NOTCH2NLA: variants seen among roughly 807,000 people sequenced by gnomAD.
NOTCH2NLA encodes the protein notch homolog 2 N-terminal-like protein A.
At chr1:146,200,664 G>C (rs201661013) in intron 1 of NOTCH2NLA, among the ~76,000 whole-genome samples, 6 of 125,716 alleles carry the variant, frequency 4.8e-5, no homozygotes, top group African/African-American at 1.2e-4. Context: ...CTCCATCAGC[G>C]TTTTGATTAC....
At chr1:146,176,652 C>T (rs1662273221) in intron 2 of NOTCH2NLA, among the ~76,000 whole-genome samples, 1 of 135,322 alleles carries the variant, frequency 7.4e-6, no homozygotes, top group Admixed American at 7.8e-5. Flanking sequence ...TAGTACACTA[C>T]TTCTCACTTC....
chr1:146,229,008 A>T (rs1553820660), exon 1 of NOTCH2NLA: 1 of 1,361,828 alleles, frequency 7.3e-7, no homozygotes, highest in African/African-American at 1.6e-5. Context: ...TTTGGCTGAA[A>T]CTTTCTCGGG....
chr1:146,187,450 C>T lies in NOTCH2NLA; in HGVS notation c.38+1850G>A, dbSNP rs1662838039. Among the ~76,000 whole-genome samples the T allele has an allele frequency of 1.5e-5, 2 of 135,122 alleles. 1 individual carries two copies. Among genetic ancestry groups the T allele is most frequent in the Middle Eastern group, 6.5e-3 (2 of 306 alleles). 88.6% of individuals were successfully genotyped at this position (135,122 alleles called of 152,430 possible). ...CTGGTTCTAGATCCTTGAGGAATCGCCACACTGAAATTTTTAAAGGAGAGA... is the reference window on the plus strand; with the variant it reads ...CTGGTTCTAGATCCTTGAGGAATCGTCACACTGAAATTTTTAAAGGAGAGA... On this transcript the variant is annotated intron_variant, in intron 2 of 4. Transcript: ENST00000362074.
chr1:146,219,965 T>C (rs2102370654), intron 1 of NOTCH2NLA, among the ~76,000 whole-genome samples: 1 of 56,658 alleles, frequency 1.8e-5, no homozygotes, highest in East Asian at 3.4e-4. Flanking sequence ...TCAAACATAA[T>C]TACTTTTTAT....
intron 1 of NOTCH2NLA, among the ~76,000 whole-genome samples, chr1:146,228,214 G>C (rs1240308390): frequency 4.0e-5 from 6 of 149,008 alleles, no homozygotes; most frequent in African/African-American, 1.5e-4. Context: ...GCCGCCCCCT[G>C]GCAAAGGCGA....
At position 146,219,764 on chromosome 1, in the gene NOTCH2NLA, CATAT is replaced by C. The variant is rs376980962; in HGVS notation, c.-45+8941_-45+8944del. On this transcript the variant is annotated intron_variant, in intron 1 of 4. Transcript: ENST00000362074. ...GACAATAGTATATTATGTGTGTGTG[CATAT>C]ATATATATGTAGATCTGTTCATAAA... is the stretch of plus-strand genomic sequence containing the variant. 1.9e-4 allele frequency among the ~76,000 whole-genome samples: 13 copies of C among 68,698 alleles called. 3 individuals are homozygous for C. Among genetic ancestry groups the C allele is most frequent in the Non-Finnish European group, 3.3e-4 (13 of 39,328 alleles). 45.1% of individuals were successfully genotyped at this position (68,698 alleles called of 152,430 possible). A position where few individuals can be genotyped will look rare whatever the true frequency, so the allele number is the denominator to read the frequency against.
intron 2 of NOTCH2NLA, among the ~76,000 whole-genome samples, chr1:146,172,736 G>A (rs1476485478): frequency 2.0e-5 from 3 of 151,724 alleles, no homozygotes; most frequent in Non-Finnish European, 4.4e-5. Flanking sequence ...TGTCTCCGCT[G>A]GTATGGTTCT....
At chr1:146,197,466 T>C in intron 1 of NOTCH2NLA, among the ~76,000 whole-genome samples, 1 of 81,802 alleles carries the variant, frequency 1.2e-5, no homozygotes, top group Non-Finnish European at 2.4e-5. Context: ...TATATTGAAA[T>C]CTACTATACA....
At chr1:146,187,455 C>G (rs1186996705) in intron 2 of NOTCH2NLA, among the ~76,000 whole-genome samples, 3 of 135,538 alleles carry the variant, frequency 2.2e-5, no homozygotes, top group African/African-American at 7.5e-5. Context: ...AATCGCCACA[C>G]TGAAATTTTT....
At chr1:146,224,208 A>T (rs1384132741) in intron 1 of NOTCH2NLA, among the ~76,000 whole-genome samples, 3 of 121,306 alleles carry the variant, frequency 2.5e-5, no homozygotes, top group South Asian at 2.7e-4. Flanking sequence ...CTCAAAAAAA[A>T]TTATCAAAAT....
At chr1:146,157,418 C>T in intron 3 of NOTCH2NLA, among the ~76,000 whole-genome samples, 1 of 146,454 alleles carries the variant, frequency 6.8e-6, no homozygotes, top group South Asian at 2.3e-4. Flanking sequence ...GATTGTACCA[C>T]TGCACTCCAG....
At position 146,187,728 on chromosome 1, in the gene NOTCH2NLA, C is replaced by G. The variant is rs61815738; in HGVS notation, c.38+1572G>C. The stretch of plus-strand genomic sequence containing the variant: ...ATAACAGAATAAAGCAAGCAACTAA[C>G]GCACCAAATGCCACAAAAAGACTAA... On this transcript the variant is annotated intron_variant, in intron 2 of 4. Coordinates refer to ENST00000362074, the Ensembl canonical transcript of NOTCH2NLA. Among the ~76,000 whole-genome samples, 530 of 134,304 alleles carry G rather than the reference C, an allele frequency of 3.9e-3. 6 individuals are homozygous for G. The highest frequency in any genetic ancestry group is 0.013 in the African/African-American group (497 of 38,530). 88.1% of individuals were successfully genotyped at this position (134,304 alleles called of 152,430 possible). A position where few individuals can be genotyped will look rare whatever the true frequency, so the allele number is the denominator to read the frequency against.
chr1:146,187,836 G>A lies in NOTCH2NLA; in HGVS notation c.38+1464C>T, dbSNP rs1471987425. ...TGTATCTCCATTCTTAGAGGAGAATGCACCACATTTTTTTTTCCCCCAGCT... is the reference window on the plus strand; with the variant it reads ...TGTATCTCCATTCTTAGAGGAGAATACACCACATTTTTTTTTCCCCCAGCT... On this transcript the variant is annotated intron_variant, in intron 2 of 4. Coordinates refer to ENST00000362074, the Ensembl canonical transcript of NOTCH2NLA. 2.8e-4 allele frequency among the ~76,000 whole-genome samples: 38 copies of A among 136,458 alleles called. 11 individuals carry two copies. Among genetic ancestry groups the A allele is most frequent in the Non-Finnish European group, 5.8e-4 (34 of 58,972 alleles). 89.5% of individuals were successfully genotyped at this position (136,458 alleles called of 152,430 possible). A position where few individuals can be genotyped will look rare whatever the true frequency, so the allele number is the denominator to read the frequency against.
At chr1:146,186,213 A>G (rs1212258373) in intron 2 of NOTCH2NLA, among the ~76,000 whole-genome samples, 3 of 135,936 alleles carry the variant, frequency 2.2e-5, no homozygotes, top group Non-Finnish European at 5.1e-5. Context: ...GGCCTCACCA[A>G]ATTTTTTCTT....
intron 2 of NOTCH2NLA, among the ~76,000 whole-genome samples, chr1:146,182,832 C>T (rs1316787478): frequency 3.6e-4 from 35 of 96,892 alleles, no homozygotes; most frequent in African/African-American, 8.0e-4. Context: ...GGCCACAGAG[C>T]GAGACTCTGT....
intron 1 of NOTCH2NLA, chr1:146,210,685 G>T (rs1663782713): frequency 1.1e-5 from 1 of 94,484 alleles, no homozygotes; most frequent in African/African-American, 5.1e-5. Flanking sequence ...TTTTTAATTT[G>T]AAATTTAAAA....
intron 1 of NOTCH2NLA, among the ~76,000 whole-genome samples, chr1:146,210,625 G>GCA (rs202185240): frequency 2.0e-5 from 2 of 100,534 alleles, no homozygotes; most frequent in East Asian, 5.1e-4. Context: ...ACACACACAC[G>GCA]CACACACACA....
chr1:146,200,263 C>CA (rs1315807735), intron 1 of NOTCH2NLA, among the ~76,000 whole-genome samples: 7 of 24,824 alleles, frequency 2.8e-4, no homozygotes, highest in Admixed American at 1.4e-3. Context: ...ACTAAAAGTA[C>CA]AAAAAAAAAA....
chr1:146,219,795 T>TAAA (rs782014725), intron 1 of NOTCH2NLA, among the ~76,000 whole-genome samples: 1 of 78,576 alleles, frequency 1.3e-5, no homozygotes, highest in Non-Finnish European at 2.2e-5. Context: ...GTTCATAAAC[T>TAAA]AAAAAAAAAA....
Sources: allele counts gnomAD v4.1 joint callset (sites outside exome capture counted in the v4.1 genomes callset), GRCh38; gene constraint gnomAD v4.1.1; transcripts MANE v1.5; gene names NCBI Gene and HGNC (gene_info 2026-07-23, HGNC 2026-07-21).